The following PSEN1 variants were observed in gnomAD, a reference collection of about 807,000 sequenced individuals.
PSEN1 encodes presenilin 1.
In PSEN1, 15 loss-of-function variants were observed where a neutral mutation model predicts 53.5. That is an observed-to-expected ratio of 0.28 (90% CI 0.19 to 0.43). The LOEUF (loss-of-function observed/expected upper bound fraction) is 0.43. PSEN1 is among the 20% of genes least tolerant of loss of function. The pLI, the probability that PSEN1 is intolerant of heterozygous loss-of-function variation, is 1.00. For missense variants in PSEN1, 387 were observed against 571.2 expected, an observed-to-expected ratio of 0.68 and a Z score of 3.29; for synonymous variants, 208 against 209.8, an observed-to-expected ratio of 0.99 and a Z score of 0.08.
chr14:73,160,901 G>A lies in PSEN1; in HGVS notation c.88-9896G>A, dbSNP rs1316109374. On this transcript the variant is annotated intron_variant, in intron 3 of 11. Coordinates refer to ENST00000324501, the MANE Select transcript of PSEN1 (RefSeq NM_000021.4). ...TGGCTCACTGCAAGCTCCACCTGCC[G>A]GGTTCATGCTATTGTAGGACTTTTT... Among the ~76,000 whole-genome samples, 3 of 139,560 alleles carry A rather than the reference G, an allele frequency of 2.1e-5. No individual in the cohort carries two copies. In the Admixed American group the frequency reaches 2.4e-4, roughly 11 times the overall value. 91.6% of individuals were successfully genotyped at this position (139,560 alleles called of 152,430 possible).
chr14:73,151,652 G>GACC (rs1897227234), intron 3 of PSEN1, among the ~76,000 whole-genome samples: 1 of 151,754 alleles, frequency 6.6e-6, no homozygotes, highest in Admixed American at 6.6e-5. Flanking sequence ...ACCTCCTTGA[G>GACC]ACCAGGGTGG....
intron 5 of PSEN1, among the ~76,000 whole-genome samples, chr14:73,184,097 G>A (rs1250071951): frequency 1.6e-5 from 2 of 123,462 alleles, no homozygotes; most frequent in South Asian, 2.8e-4. Context: ...CTGGCCGGGC[G>A]GGGGGCTGAC....
chr14:73,161,267 A>G (rs1464216765), intron 3 of PSEN1, among the ~76,000 whole-genome samples: 2 of 152,040 alleles, frequency 1.3e-5, no homozygotes, highest in Admixed American at 6.6e-5. Context: ...GAGCTACCAC[A>G]CCCAGCCTGA....
chr14:73,160,862 C>T (rs1472199592), intron 3 of PSEN1, among the ~76,000 whole-genome samples: 1 of 125,692 alleles, frequency 8.0e-6, no homozygotes, highest in Non-Finnish European at 1.5e-5. Flanking sequence ...TCCTGGAATG[C>T]AGTGGCGCGA....
intron 1 of PSEN1, among the ~76,000 whole-genome samples, chr14:73,144,763 C>A (rs907054738): frequency 1.3e-5 from 2 of 152,114 alleles, no homozygotes; most frequent in Non-Finnish European, 2.9e-5. Context: ...AATAATCATT[C>A]TTATTATTTA....
intron 5 of PSEN1, among the ~76,000 whole-genome samples, chr14:73,185,477 C>G (rs28506983): frequency 2.0e-5 from 3 of 152,104 alleles, no homozygotes; most frequent in African/African-American, 7.2e-5. Flanking sequence ...AGTCTGCAAT[C>G]GCAGGCACTC....
intron 10 of PSEN1, among the ~76,000 whole-genome samples, chr14:73,215,451 C>T (rs898492294): frequency 1.3e-5 from 2 of 151,362 alleles, no homozygotes; most frequent in African/African-American, 2.4e-5. Flanking sequence ...GGCGTGGTGG[C>T]GCATGTCTGT....
chr14:73,203,700 C>A (rs955616702), intron 8 of PSEN1, among the ~76,000 whole-genome samples: 5 of 152,102 alleles, frequency 3.3e-5, no homozygotes, highest in Non-Finnish European at 7.4e-5. Flanking sequence ...AAAATATACA[C>A]CTACTCTTTG....
At chr14:73,150,397 A>T (rs551817377) in intron 3 of PSEN1, among the ~76,000 whole-genome samples, 1 of 152,330 alleles carries the variant, frequency 6.6e-6, no homozygotes, top group East Asian at 1.9e-4. Context: ...ATGTTTAATA[A>T]AATTGAGTAT....
chr14:73,202,418 C>CCATATATA (rs1196615910), intron 8 of PSEN1, among the ~76,000 whole-genome samples: 1 of 27,210 alleles, frequency 3.7e-5, no homozygotes. Context: ...CTATCACATA[C>CCATATATA]TATATATATA....
rs539634168 is a variant in PSEN1 at position 73,192,346 on chromosome 14, T to A, written c.549-298T>A. 1.7e-4 allele frequency among the ~76,000 whole-genome samples: 26 copies of A among 152,124 alleles called. 1 individual carries two copies. In the South Asian group the frequency reaches 5.2e-3, roughly 30 times the overall value. On this transcript the variant is annotated intron_variant, in intron 6 of 11. Transcript: ENST00000324501. ...GTCCCAGCTACTTAGGAGGCTGAGC[T>A]GGGAAGACCACCTGATCTCCGGAGG...
chr14:73,206,302 T>G, intron 8 of PSEN1, 84 bp from the exon 9 acceptor site: 1 of 936,658 alleles, frequency 1.1e-6, no homozygotes, highest in South Asian at 1.3e-5. Flanking sequence ...GACTGGCGAT[T>G]TGTGTGGAGA....
At chr14:73,181,816 C>T (rs1180752074) in intron 5 of PSEN1, among the ~76,000 whole-genome samples, 1 of 152,066 alleles carries the variant, frequency 6.6e-6, no homozygotes, top group Non-Finnish European at 1.5e-5. Flanking sequence ...CTTTGTCAGT[C>T]AGGCTGGAAT....
chr14:73,148,248 T>G, intron 3 of PSEN1, 142 bp downstream of exon 3: 24 of 712,446 alleles, frequency 3.4e-5, no homozygotes, highest in East Asian at 5.6e-5. Flanking sequence ...CTTCAGCTGA[T>G]TGCTGGAGGA....
At chr14:73,174,814 G>A (rs1897998408) in intron 5 of PSEN1, among the ~76,000 whole-genome samples, 1 of 152,048 alleles carries the variant, frequency 6.6e-6, no homozygotes, top group African/African-American at 2.4e-5. Context: ...GGGAAGTCGG[G>A]CGCTGGGAGG....
rs63750082 is a variant in PSEN1, at chr14:73,192,712, G to C, written c.617G>C (p.Gly206Ala). ...GTTGCACTCCTGATCTGGAATTTTG[G>C]TGTGGTGGGAATGATTTCCATTCAC... Reference protein sequence around the residue: ...ITVALLIWNFGVVGMISIHWK... With the variant: ...ITVALLIWNFAVVGMISIHWK... Residue 206 changes from glycine (G) to alanine (A), a missense_variant, in exon 7 of 12, where the codon GGT (glycine) becomes GCT (alanine). By Grantham distance (60) the Gly-to-Ala change is moderately conservative. This residue lies in a region of PSEN1 where 169 missense variants were observed against 299.7 expected (regional missense o/e 0.56). Transcript: ENST00000324501. 1.7e-5 allele frequency: 28 copies of C among 1,614,032 alleles called. No individual in the cohort carries two copies. The Admixed American group carries it at 4.2e-4, about 24-fold the overall frequency.
rs1392551592 is a variant in PSEN1 at position 73,138,671 on chromosome 14, TA to T, written c.-136+2095del. ...CTAGCCATAAACACATTTTTAAAGGTAAAAAAAGGCCGAGCGCGGTGGCTCA... is the reference window on the plus strand; with the variant it reads ...CTAGCCATAAACACATTTTTAAAGGTAAAAAAGGCCGAGCGCGGTGGCTCA... On this transcript the variant is annotated intron_variant, in intron 1 of 11. Transcript: ENST00000324501. Among the ~76,000 whole-genome samples, 5 of 149,796 alleles carry T rather than the reference TA, an allele frequency of 3.3e-5. No individual in the cohort carries two copies. The East Asian group carries it at 8.0e-4, about 24-fold the overall frequency.
At chr14:73,155,771 G>T (rs1266676449) in intron 3 of PSEN1, among the ~76,000 whole-genome samples, 1 of 151,956 alleles carries the variant, frequency 6.6e-6, no homozygotes, top group African/African-American at 2.4e-5. Context: ...CTCCCGTCTC[G>T]GCCTCCTGAA....
chr14:73,156,847 A>G (rs1221276891), intron 3 of PSEN1, among the ~76,000 whole-genome samples: 2 of 151,804 alleles, frequency 1.3e-5, no homozygotes, highest in Non-Finnish European at 2.9e-5. Context: ...TAATTTTAGT[A>G]GAGATGGGGT....
Sources: gnomAD v4.1 joint callset for allele counts (sites outside exome capture counted in the v4.1 genomes callset) on GRCh38, gnomAD v4.1.1 for gene constraint, gnomAD v4.1.1 regional missense constraint, MANE v1.5 for transcripts, NCBI Gene and HGNC (gene_info 2026-07-23, HGNC 2026-07-21) for gene names.